Variants in PLXNA4 observed in about 807,000 individuals in gnomAD.
PLXNA4 encodes the protein plexin-A4.
A neutral mutation model predicts 191.8 loss-of-function variants in PLXNA4; 44 were observed. That is an observed-to-expected ratio of 0.23 (90% CI 0.18 to 0.29). The LOEUF (loss-of-function observed/expected upper bound fraction) is 0.29. PLXNA4 is among the 10% of genes least tolerant of loss of function. The pLI, the probability that PLXNA4 is intolerant of heterozygous loss-of-function variation, is 1.00. For missense variants in PLXNA4, 1,800 were observed against 2,488.8 expected (o/e 0.72, Z 5.89); for synonymous variants, 1,082 against 1,009.5 (o/e 1.07, Z -1.36).
intron 9 of PLXNA4, among the ~76,000 whole-genome samples, chr7:132,215,786 T>A (rs1797945182): frequency 6.6e-6 from 1 of 152,238 alleles, no homozygotes. Context: ...CAGGTGGCGA[T>A]GCTGACAGGG....
intron 3 of PLXNA4, among the ~76,000 whole-genome samples, chr7:132,456,378 G>C (rs1455942762): frequency 2.0e-5 from 3 of 152,116 alleles, no homozygotes; most frequent in African/African-American, 7.2e-5. Context: ...CTCCCAAAGT[G>C]CTAGGATTAC....
intron 4 of PLXNA4, among the ~76,000 whole-genome samples, chr7:132,269,900 C>T (rs1350765029): frequency 1.3e-5 from 2 of 151,974 alleles, no homozygotes. Context: ...GGAGCTGTCC[C>T]TAGTACATTA....
chr7:132,189,706 G>T (rs1797028300), intron 14 of PLXNA4, among the ~76,000 whole-genome samples: 1 of 152,100 alleles, frequency 6.6e-6, no homozygotes, highest in South Asian at 2.1e-4. Context: ...TAGATGAGAA[G>T]GCCATGAGGG....
intron 3 of PLXNA4, among the ~76,000 whole-genome samples, chr7:132,303,352 C>T (rs1302984688): frequency 1.3e-5 from 2 of 149,462 alleles, no homozygotes; most frequent in East Asian, 2.0e-4. Context: ...GGGCGGATCA[C>T]GAGGTCAAGA....
At chr7:132,135,032 A>T (rs1264464764) in intron 30 of PLXNA4, among the ~76,000 whole-genome samples, 1 of 152,194 alleles carries the variant, frequency 6.6e-6, no homozygotes, top group Non-Finnish European at 1.5e-5. Context: ...GGAATGCAAT[A>T]AATGCCATTG....
At chr7:132,382,352 A>G (rs562762308) in intron 3 of PLXNA4, among the ~76,000 whole-genome samples, 1 of 152,232 alleles carries the variant, frequency 6.6e-6, no homozygotes, top group African/African-American at 2.4e-5. Context: ...GGTGCAGTGT[A>G]GACACAAAAA....
At chr7:132,148,670 C>G (rs1466798385) in intron 25 of PLXNA4, 24 bp from the exon 26 acceptor site, 1 of 1,613,712 alleles carries the variant, frequency 6.2e-7, no homozygotes, top group African/African-American at 1.3e-5. Flanking sequence ...GGTGGCGTTT[C>G]AGAGAGGCCC....
intron 20 of PLXNA4, among the ~76,000 whole-genome samples, chr7:132,175,711 C>T (rs1796435656): frequency 6.6e-6 from 1 of 152,182 alleles, no homozygotes; most frequent in African/African-American, 2.4e-5. Flanking sequence ...CTGGAAACAT[C>T]CTCCCCCAGG....
chr7:132,455,618 G>A (rs1305196028), intron 3 of PLXNA4, among the ~76,000 whole-genome samples: 1 of 152,160 alleles, frequency 6.6e-6, no homozygotes, highest in Non-Finnish European at 1.5e-5. Context: ...ATGCTCCTTG[G>A]AGAATCCTCC....
At chr7:132,407,652 G>A (rs1431903986) in intron 3 of PLXNA4, among the ~76,000 whole-genome samples, 1 of 152,222 alleles carries the variant, frequency 6.6e-6, no homozygotes, top group Non-Finnish European at 1.5e-5. Context: ...TCCTGGTGTG[G>A]AGGGTGGGCA....
intron 4 of PLXNA4, among the ~76,000 whole-genome samples, chr7:132,260,164 A>G (rs1799586993): frequency 6.6e-6 from 1 of 152,158 alleles, no homozygotes. Context: ...CTAGGTATCA[A>G]CCCAAAGAAA....
intron 21 of PLXNA4, among the ~76,000 whole-genome samples, chr7:132,169,559 A>G (rs1488643400): frequency 1.3e-5 from 2 of 152,244 alleles, no homozygotes; most frequent in African/African-American, 4.8e-5. Flanking sequence ...TGGGTCCTGC[A>G]AATGTACTGA....
chr7:132,412,619 G>T (rs1418220331), intron 3 of PLXNA4, among the ~76,000 whole-genome samples: 1 of 152,210 alleles, frequency 6.6e-6, no homozygotes, highest in East Asian at 1.9e-4. Context: ...TTATGAGGCA[G>T]TGATAAGGAT....
chr7:132,311,258 G>A (rs540934046), intron 3 of PLXNA4, among the ~76,000 whole-genome samples: 7 of 151,076 alleles, frequency 4.6e-5, no homozygotes, highest in South Asian at 2.1e-4. Flanking sequence ...CCCAAGATCC[G>A]GCTCATGGAA....
chr7:132,461,423 C>A (rs75044589), intron 3 of PLXNA4, among the ~76,000 whole-genome samples: 1 of 152,094 alleles, frequency 6.6e-6, no homozygotes, highest in Admixed American at 6.5e-5. Flanking sequence ...AGATCTGGAC[C>A]ACAAAACCAG....
chr7:132,165,889 C>A (rs2116654826), intron 22 of PLXNA4, among the ~76,000 whole-genome samples: 1 of 152,284 alleles, frequency 6.6e-6, no homozygotes, highest in East Asian at 1.9e-4. Context: ...CCAGCTCAGC[C>A]CAAGCCGTGT....
chr7:132,611,770 C>T (rs542850873), intron 2 of PLXNA4, among the ~76,000 whole-genome samples: 7 of 152,300 alleles, frequency 4.6e-5, no homozygotes, highest in African/African-American at 1.7e-4. Flanking sequence ...GGCCCTGGAC[C>T]TTCAGCCTTC....
chr7:132,324,143 G>A (rs1365608864), intron 3 of PLXNA4, among the ~76,000 whole-genome samples: 6 of 152,064 alleles, frequency 3.9e-5, no homozygotes, highest in Non-Finnish European at 5.9e-5. Flanking sequence ...ACCCAAAACC[G>A]GATGCCAAGA....
At chr7:132,410,831 C>T (rs1438820464) in intron 3 of PLXNA4, among the ~76,000 whole-genome samples, 3 of 152,164 alleles carry the variant, frequency 2.0e-5, no homozygotes, top group Non-Finnish European at 4.4e-5. Context: ...ACGGTGCACC[C>T]ACCCATCTGT....
Sources: allele counts gnomAD v4.1 joint callset (sites outside exome capture counted in the v4.1 genomes callset), GRCh38; gene constraint gnomAD v4.1.1; transcripts MANE v1.5; gene names NCBI Gene and HGNC (gene_info 2026-07-23, HGNC 2026-07-21).